Variants in CRPPA observed in about 807,000 individuals in gnomAD.
CRPPA encodes the protein D-ribitol-5-phosphate cytidylyltransferase.
A neutral mutation model predicts 52.0 loss-of-function variants in CRPPA; 43 were observed. That is an observed-to-expected ratio of 0.83 (90% CI 0.65 to 1.07). The LOEUF is 1.07. CRPPA is among the 50% of genes least tolerant of loss of function. The pLI, the probability that CRPPA is intolerant of heterozygous loss-of-function variation, is 0.00. For missense variants in CRPPA, 629 were observed against 551.7 expected (o/e 1.14, Z -1.40); for synonymous variants, 250 against 203.5 (o/e 1.23, Z -1.94).
intron 1 of CRPPA, among the ~76,000 whole-genome samples, chr7:16,419,155 G>C (rs534298568): frequency 1.3e-5 from 2 of 152,328 alleles, no homozygotes; most frequent in African/African-American, 4.8e-5. Context: ...TTCAAATTTT[G>C]AGTTTCAGAT....
rs776032519 is a variant in CRPPA, at chr7:16,089,484, C to G, written c.*2211G>C. ...GTGTATATATGTACGTACATATATA[C>G]GGGTATATATGTACGTACATACATA... On this transcript the variant is annotated 3_prime_UTR_variant, in exon 10 of 10. Transcript: ENST00000407010. The G allele has an allele frequency of 5.3e-5, 16 of 299,196 alleles. No individual in the cohort carries two copies. The highest frequency in any genetic ancestry group is 4.3e-4 in the South Asian group (16 of 37,084). The allele number at this position is 299,196 out of a possible 1,614,324, so 18.5% of individuals were successfully genotyped here.
At chr7:16,247,120 C>T (rs530594236) in intron 8 of CRPPA, among the ~76,000 whole-genome samples, 1 of 152,358 alleles carries the variant, frequency 6.6e-6, no homozygotes, top group African/African-American at 2.4e-5. Flanking sequence ...AACATCAGCA[C>T]TTGCTGCTTG....
chr7:16,256,138 G>A lies in CRPPA; in HGVS notation c.1119+2252C>T, dbSNP rs566012386. On this transcript the variant is annotated intron_variant, in intron 8 of 9. Transcript: ENST00000407010. ...CCCATAAAAAATGGGTGAAAGATAT[G>A]AACAGACAGTTCTCAAAAGAAGACA... Among the ~76,000 whole-genome samples the A allele has an allele frequency of 8.5e-5, 13 of 152,260 alleles. No individual in the cohort carries two copies. The South Asian group carries it at 2.7e-3, about 32-fold the overall frequency.
At chr7:16,245,274 T>C (rs1783238441) in intron 8 of CRPPA, among the ~76,000 whole-genome samples, 1 of 152,262 alleles carries the variant, frequency 6.6e-6, no homozygotes, top group South Asian at 2.1e-4. Flanking sequence ...CAAACTGTGA[T>C]ATATCTAGAT....
At chr7:16,356,369 G>C (rs1410437720) in intron 3 of CRPPA, among the ~76,000 whole-genome samples, 1 of 152,132 alleles carries the variant, frequency 6.6e-6, no homozygotes, top group African/African-American at 2.4e-5. Flanking sequence ...CACATTTCCT[G>C]CTCTTATAAT....
chr7:16,368,156 AT>A (rs1167393821), intron 3 of CRPPA, among the ~76,000 whole-genome samples: 2 of 152,174 alleles, frequency 1.3e-5, no homozygotes, highest in Non-Finnish European at 2.9e-5. Context: ...ATAATTTATT[AT>A]TTTTCCTCAA....
chr7:16,230,487 A>G (rs541494846), intron 8 of CRPPA, among the ~76,000 whole-genome samples: 1 of 152,104 alleles, frequency 6.6e-6, no homozygotes, highest in East Asian at 1.9e-4. Flanking sequence ...CATCTAGTAG[A>G]AGCTAAAAAT....
intron 6 of CRPPA, among the ~76,000 whole-genome samples, chr7:16,260,052 A>G (rs915533705): frequency 1.3e-5 from 2 of 151,996 alleles, no homozygotes; most frequent in South Asian, 2.1e-4. Context: ...GTCCATAGTC[A>G]TCAACAATAT....
chr7:16,286,949 G>A (rs1784464052), intron 5 of CRPPA, among the ~76,000 whole-genome samples: 1 of 152,052 alleles, frequency 6.6e-6, no homozygotes, highest in Non-Finnish European at 1.5e-5. Context: ...TATGCATTAT[G>A]CACCAAAAGA....
At chr7:16,407,926 G>C (rs533209149) in intron 1 of CRPPA, among the ~76,000 whole-genome samples, 1 of 152,024 alleles carries the variant, frequency 6.6e-6, no homozygotes, top group East Asian at 1.9e-4. Context: ...GGCCAACATA[G>C]TGAAACTCCG....
In CRPPA at chr7:16,421,192, G is replaced by A; in HGVS notation, c.131C>T (p.Pro44Leu). 7.4e-7 allele frequency: 1 copy of A among 1,342,496 alleles called. No individual in the cohort carries two copies. Among genetic ancestry groups the A allele is most frequent in the Non-Finnish European group, 9.6e-7 (1 of 1,041,402 alleles). The allele number at this position is 1,342,496 out of a possible 1,614,324, so 83.2% of individuals were successfully genotyped here. A position where few individuals can be genotyped will look rare whatever the true frequency, so the allele number is the denominator to read the frequency against. The change falls in exon 1 of 10, where the codon CCG becomes CTG. Residue 44 changes from proline to leucine, a missense_variant. By Grantham distance (98) the Pro-to-Leu change is moderately conservative. Coordinates refer to ENST00000407010, the MANE Select transcript of CRPPA (RefSeq NM_001101426.4). ...SVAGTEPGRH[P>L]QAVAAVLPAG... Reference sequence around the variant, plus strand: ...AGGCAACACAGCTGCCACGGCTTGCGGGTGGCGCCCGGGCTCGGTCCCGGC... The same window carrying A: ...AGGCAACACAGCTGCCACGGCTTGCAGGTGGCGCCCGGGCTCGGTCCCGGC...
chr7:16,115,757 T>C (rs1782357970), intron 9 of CRPPA, among the ~76,000 whole-genome samples: 2 of 152,074 alleles, frequency 1.3e-5, no homozygotes, highest in Admixed American at 1.3e-4. Context: ...TAAGGCAACA[T>C]GAAGGAGCTC....
chr7:16,350,369 G>A (rs1218344821), intron 3 of CRPPA, among the ~76,000 whole-genome samples: 1 of 152,040 alleles, frequency 6.6e-6, no homozygotes, highest in Non-Finnish European at 1.5e-5. Flanking sequence ...ATGGCAATAA[G>A]TCAGTTATAT....
At chr7:16,209,579 T>C (rs1782076500) in intron 9 of CRPPA, among the ~76,000 whole-genome samples, 1 of 152,138 alleles carries the variant, frequency 6.6e-6, no homozygotes, top group South Asian at 2.1e-4. Flanking sequence ...GCCCTAAGTG[T>C]CATCTTTTGT....
intron 3 of CRPPA, among the ~76,000 whole-genome samples, chr7:16,323,774 A>C (rs1785315364): frequency 1.3e-5 from 2 of 152,234 alleles, no homozygotes. Flanking sequence ...TGCAATCAAC[A>C]AAAGTAAAAA....
chr7:16,321,726 C>A (rs915100962), intron 3 of CRPPA, among the ~76,000 whole-genome samples: 7 of 152,072 alleles, frequency 4.6e-5, no homozygotes, highest in African/African-American at 1.7e-4. Context: ...ATTTAAGTTA[C>A]CCATAGGACA....
intron 3 of CRPPA, among the ~76,000 whole-genome samples, chr7:16,317,227 A>G (rs1190727701): frequency 6.6e-6 from 1 of 152,168 alleles, no homozygotes; most frequent in African/African-American, 2.4e-5. Context: ...CAAGCTATTC[A>G]ATCTGCCTCT....
At chr7:16,165,147 A>G (rs1222309440) in intron 9 of CRPPA, among the ~76,000 whole-genome samples, 1 of 150,622 alleles carries the variant, frequency 6.6e-6, no homozygotes, top group East Asian at 1.9e-4. Flanking sequence ...TTATAAGTCT[A>G]TTTTCTTACA....
intron 8 of CRPPA, among the ~76,000 whole-genome samples, chr7:16,246,213 T>C (rs1783268633): frequency 6.6e-6 from 1 of 152,194 alleles, no homozygotes; most frequent in Non-Finnish European, 1.5e-5. Context: ...GTTCACAGTA[T>C]CTTCACCCGA....
Sources: gnomAD v4.1 joint callset for allele counts (sites outside exome capture counted in the v4.1 genomes callset) on GRCh38, gnomAD v4.1.1 for gene constraint, MANE v1.5 for transcripts, NCBI Gene and HGNC (gene_info 2026-07-23, HGNC 2026-07-21) for gene names.